Variants in GPC5 observed in about 807,000 individuals in gnomAD.
GPC5 encodes the protein glypican-5.
In GPC5, 47 loss-of-function variants were observed where a neutral mutation model predicts 53.9. That is an observed-to-expected ratio of 0.87 (90% CI 0.69 to 1.11). The LOEUF (loss-of-function observed/expected upper bound fraction) is 1.11, where lower values mean the gene tolerates loss of function less well. Among genes scored for constraint, GPC5 ranks in the 50% most tolerant of loss-of-function variants. The pLI is 0.00. For synonymous variants in GPC5, 286 were observed against 263.3 expected (o/e 1.09, Z -0.84); for missense variants, 748 against 713.1 (o/e 1.05, Z -0.56).
intron 5 of GPC5, among the ~76,000 whole-genome samples, chr13:91,768,930 C>T (rs1465221003): frequency 6.6e-6 from 1 of 152,148 alleles, no homozygotes; most frequent in Non-Finnish European, 1.5e-5. Context: ...AACATCACAC[C>T]TGCAGTCAGA....
intron 7 of GPC5, among the ~76,000 whole-genome samples, chr13:92,272,320 C>G (rs1415381652): frequency 1.3e-5 from 2 of 152,128 alleles, no homozygotes; most frequent in African/African-American, 4.8e-5. Flanking sequence ...CATAGGCTGT[C>G]TGAGAGTCAG....
At chr13:92,157,547 T>A (rs1441052975) in intron 7 of GPC5, among the ~76,000 whole-genome samples, 2 of 152,144 alleles carry the variant, frequency 1.3e-5, no homozygotes, top group African/African-American at 4.8e-5. Flanking sequence ...GGCAAGAAAC[T>A]GGAAGATTTA....
At chr13:92,197,224 A>G (rs2042262654) in intron 7 of GPC5, among the ~76,000 whole-genome samples, 1 of 152,138 alleles carries the variant, frequency 6.6e-6, no homozygotes, top group African/African-American at 2.4e-5. Flanking sequence ...AAAAAATAAT[A>G]AGATAAAAAC....
intron 1 of GPC5, among the ~76,000 whole-genome samples, chr13:91,430,342 C>T (rs1358163047): frequency 6.6e-6 from 1 of 152,202 alleles, no homozygotes. Flanking sequence ...CTTGGGAAGA[C>T]AAATCCTAGT....
chr13:91,428,313 C>T (rs564927349), intron 1 of GPC5, among the ~76,000 whole-genome samples: 1 of 152,202 alleles, frequency 6.6e-6, no homozygotes, highest in East Asian at 1.9e-4. Flanking sequence ...AGAGGAGACA[C>T]AAAAGTGGGT....
intron 2 of GPC5, among the ~76,000 whole-genome samples, chr13:91,477,580 A>C (rs1378919535): frequency 6.6e-6 from 1 of 152,224 alleles, no homozygotes; most frequent in Non-Finnish European, 1.5e-5. Flanking sequence ...CAAATTTTGG[A>C]ATACCCATAA....
chr13:91,879,688 C>T (rs958542244), intron 5 of GPC5, among the ~76,000 whole-genome samples: 2 of 152,114 alleles, frequency 1.3e-5, no homozygotes, highest in Admixed American at 6.5e-5. Flanking sequence ...CTCACATTGG[C>T]GGTTAGCATT....
chr13:92,116,057 G>A (rs2041598144), intron 6 of GPC5, among the ~76,000 whole-genome samples: 1 of 151,970 alleles, frequency 6.6e-6, no homozygotes, highest in Non-Finnish European at 1.5e-5. Context: ...TCAAGACCAG[G>A]CTGGGCAACA....
intron 7 of GPC5, among the ~76,000 whole-genome samples, chr13:92,166,956 T>TCTCTCACA (rs1415930136): frequency 2.4e-4 from 20 of 84,706 alleles, no homozygotes; most frequent in African/African-American, 8.1e-4. Context: ...TCTCTCTCTC[T>TCTCTCACA]CACACACACA....
intron 5 of GPC5, among the ~76,000 whole-genome samples, chr13:91,814,617 T>A (rs189868025): frequency 6.6e-6 from 1 of 152,274 alleles, no homozygotes; most frequent in East Asian, 1.9e-4. Flanking sequence ...CTCAGCTCAC[T>A]GCAACCTCCA....
intron 7 of GPC5, among the ~76,000 whole-genome samples, chr13:92,608,695 T>G (rs575145902): frequency 3.2e-4 from 49 of 152,332 alleles, no homozygotes; most frequent in Non-Finnish European, 5.4e-4. Context: ...CATGTTTGCA[T>G]GTGCGGAATC....
At chr13:91,963,348 C>T (rs1566366130) in intron 6 of GPC5, among the ~76,000 whole-genome samples, 2 of 152,214 alleles carry the variant, frequency 1.3e-5, no homozygotes, top group South Asian at 2.1e-4. Flanking sequence ...TCTGTGTATA[C>T]GTATTTCCCC....
At chr13:92,736,784 G>C (rs1594465946) in intron 7 of GPC5, among the ~76,000 whole-genome samples, 1 of 150,244 alleles carries the variant, frequency 6.7e-6, no homozygotes, top group East Asian at 2.0e-4. Flanking sequence ...TTTACTCTAT[G>C]TTCAGAACTA....
At chr13:92,073,859 G>A (rs537255352) in intron 6 of GPC5, among the ~76,000 whole-genome samples, 18 of 152,242 alleles carry the variant, frequency 1.2e-4, no homozygotes, top group African/African-American at 3.6e-4. Context: ...CCAGTGGGAC[G>A]TAATTGAATC....
At chr13:92,114,185 T>C (rs1411417983) in intron 6 of GPC5, among the ~76,000 whole-genome samples, 1 of 152,112 alleles carries the variant, frequency 6.6e-6, no homozygotes, top group African/African-American at 2.4e-5. Flanking sequence ...CTCCTCCAGC[T>C]CTTTGTCCTT....
intron 2 of GPC5, among the ~76,000 whole-genome samples, chr13:91,498,103 C>A (rs115642349): frequency 6.6e-6 from 1 of 151,396 alleles, no homozygotes; most frequent in Non-Finnish European, 1.5e-5. Flanking sequence ...TTTTTTCTCC[C>A]GCTTAATGCT....
intron 7 of GPC5, among the ~76,000 whole-genome samples, chr13:92,419,192 G>C (rs1193388075): frequency 6.6e-6 from 1 of 152,174 alleles, no homozygotes; most frequent in Non-Finnish European, 1.5e-5. Flanking sequence ...CATCACCACT[G>C]TGGGAAGACA....
At chr13:92,513,817 T>C (rs558696222) in intron 7 of GPC5, among the ~76,000 whole-genome samples, 1 of 152,302 alleles carries the variant, frequency 6.6e-6, no homozygotes, top group Middle Eastern at 3.4e-3. Flanking sequence ...TTATACCATA[T>C]TTTTAGTAAT....
chr13:91,399,892 C>G (rs1410844379), intron 1 of GPC5, among the ~76,000 whole-genome samples: 3 of 152,186 alleles, frequency 2.0e-5, no homozygotes, highest in Non-Finnish European at 4.4e-5. Context: ...TGGGGAGTCA[C>G]TTGACATGGA....
Sources: gnomAD v4.1 joint callset for allele counts (sites outside exome capture counted in the v4.1 genomes callset) on GRCh38, gnomAD v4.1.1 for gene constraint, MANE v1.5 for transcripts, NCBI Gene and HGNC (gene_info 2026-07-23, HGNC 2026-07-21) for gene names.